Variants in SEC23A observed in about 807,000 individuals in gnomAD.
SEC23A encodes the protein protein transport protein Sec23A.
In SEC23A, 56 loss-of-function variants were observed where a neutral mutation model predicts 103.7. That is an observed-to-expected ratio of 0.54 (90% confidence interval 0.44 to 0.67). The LOEUF is 0.67. Among genes scored for constraint, SEC23A ranks in the 30% least tolerant of loss-of-function variants. SEC23A has a pLI of 0.00. For synonymous variants in SEC23A, 281 were observed against 293.0 expected, an observed-to-expected ratio of 0.96 and a Z score of 0.42; for missense variants, 784 against 936.4, an observed-to-expected ratio of 0.84 and a Z score of 2.12.
At chr14:39,055,044 A>G in intron 14 of SEC23A, 99 bp downstream of exon 14, 1 of 1,380,632 alleles carries the variant, frequency 7.2e-7, no homozygotes, top group Non-Finnish European at 1.0e-6. Flanking sequence ...ACAGTATTTC[A>G]GATACACTGT....
intron 7 of SEC23A, among the ~76,000 whole-genome samples, chr14:39,083,120 G>A (rs541402359): frequency 3.5e-4 from 54 of 152,214 alleles, no homozygotes; most frequent in Middle Eastern, 3.4e-3. Flanking sequence ...AAGTTTCAAG[G>A]GGTTGGGACT....
intron 1 of SEC23A, among the ~76,000 whole-genome samples, chr14:39,102,204 C>A (rs1454884635): frequency 6.6e-6 from 1 of 151,916 alleles, no homozygotes; most frequent in Non-Finnish European, 1.5e-5. Flanking sequence ...TGCACTCCAG[C>A]CTGGGCGACA....
Position 39,091,450 on chromosome 14 carries a change from G to A in SEC23A, c.603+27C>T, listed in dbSNP as rs781060178. The stretch of plus-strand genomic sequence containing the variant: ...CATATATAGAGTAATTTTCAGATAG[G>A]TAAAAACTACCATTCTTGTTGTTTA... On this transcript the variant is annotated intron_variant, in intron 5 of 19. Coordinates refer to ENST00000307712, the MANE Select transcript of SEC23A (RefSeq NM_006364.4). 6.4e-6 allele frequency: 10 copies of A among 1,553,142 alleles called. No individual in the cohort carries two copies. In the Admixed American group the frequency reaches 1.5e-4, roughly 23 times the overall value.
At chr14:39,051,294 T>C (rs1886050044) in intron 14 of SEC23A, among the ~76,000 whole-genome samples, 2 of 152,198 alleles carry the variant, frequency 1.3e-5, no homozygotes, top group Non-Finnish European at 2.9e-5. Flanking sequence ...TTTGGATACC[T>C]TTAACATGAC....
chr14:39,089,513 C>T (rs1465207763), intron 5 of SEC23A, among the ~76,000 whole-genome samples: 1 of 152,174 alleles, frequency 6.6e-6, no homozygotes, highest in African/African-American at 2.4e-5. Flanking sequence ...TCTTCCTAAA[C>T]CTGACTTTCC....
At chr14:39,046,692 C>A (rs1885850416) in intron 15 of SEC23A, among the ~76,000 whole-genome samples, 1 of 152,180 alleles carries the variant, frequency 6.6e-6, no homozygotes, top group African/African-American at 2.4e-5. Context: ...TTTTGTTTCA[C>A]TGCTTCTTTC....
rs1430975835 is a variant in SEC23A at position 39,096,134 on chromosome 14, T to G, written c.-16A>C. 2 of 1,565,732 alleles carry G rather than the reference T, an allele frequency of 1.3e-6. No homozygotes were observed. The highest frequency in any genetic ancestry group is 1.8e-6 in the Non-Finnish European group (2 of 1,136,052). Reference sequence around the variant, plus strand: ...AGGTTGTCATTGTGGAGTTTGATTCTTATTTCTGTATCAAAATTTTAAAAT... The same window carrying G: ...AGGTTGTCATTGTGGAGTTTGATTCGTATTTCTGTATCAAAATTTTAAAAT... On this transcript the variant is annotated 5_prime_UTR_variant, in exon 2 of 20. Transcript: ENST00000307712.
In SEC23A at chr14:39,096,014, A is replaced by G; in HGVS notation, c.105T>C (p.Val35=). 2 of 1,613,970 alleles carry G rather than the reference A, an allele frequency of 1.2e-6. No individual in the cohort carries two copies. The highest frequency in any genetic ancestry group is 1.7e-6 in the Non-Finnish European group (2 of 1,179,840). ...GTGTAAACAGGGCTGCCACAGGAAC[A>G]ACCATTCTTGTAGCTTCCAGTCGAC... ...PSSRLEATRM[V]VPVAALFTPL... The change falls in exon 2 of 20, where the codon GTT becomes GTC. Residue 35 remains valine (V), a synonymous_variant. Coordinates refer to ENST00000307712, the MANE Select transcript of SEC23A (RefSeq NM_006364.4).
chr14:39,055,861 C>A (rs1394468873), intron 13 of SEC23A, among the ~76,000 whole-genome samples: 1 of 152,224 alleles, frequency 6.6e-6, no homozygotes, highest in Non-Finnish European at 1.5e-5. Flanking sequence ...TTCCTGTTTT[C>A]TATAACTAGC....
rs1887713851 is a variant in SEC23A, at chr14:39,093,005, A to G, written c.279+182T>C. On this transcript the variant is annotated intron_variant, in intron 3 of 19. Coordinates refer to ENST00000307712, the MANE Select transcript of SEC23A (RefSeq NM_006364.4). ...CAGCCTCACGAGTAGCTGGGACTAC[A>G]GGCGCCTGCCACCACGCCCAGCTAA... is the stretch of plus-strand genomic sequence containing the variant. 3 of 511,040 alleles carry G rather than the reference A, an allele frequency of 5.9e-6. No homozygotes were observed. The Admixed American group carries it at 9.9e-5, about 17-fold the overall frequency. 31.7% of individuals were successfully genotyped at this position (511,040 alleles called of 1,614,324 possible). A position where few individuals can be genotyped will look rare whatever the true frequency, so the allele number is the denominator to read the frequency against.
rs754941711 is a variant in SEC23A, at chr14:39,074,425, T to C, written c.1093A>G (p.Asn365Asp). Residue 365 changes from asparagine to aspartate, a missense_variant, in exon 9 of 20, where the codon AAC becomes GAC. Coordinates refer to ENST00000307712, the MANE Select transcript of SEC23A (RefSeq NM_006364.4). ...AATTTAAATACATACCCAGTAAGGT[T>C]GGGACAGCATTTCATCTCCAGGAGA... ...TGLLEMKCCP[N>D]LTGGYMVMGD... is the part of the protein sequence containing the mutation. 6.2e-7 allele frequency: 1 copy of C among 1,603,308 alleles called. No homozygotes were observed. The highest frequency in any genetic ancestry group is 8.5e-7 in the Non-Finnish European group (1 of 1,170,452).
chr14:39,082,025 A>C (rs757840389), intron 7 of SEC23A, among the ~76,000 whole-genome samples: 1 of 152,118 alleles, frequency 6.6e-6, no homozygotes, highest in Non-Finnish European at 1.5e-5. Context: ...GAAAAGGATA[A>C]GATGAGCCCT....
chr14:39,065,606 C>A (rs1455378380), intron 10 of SEC23A, among the ~76,000 whole-genome samples: 4 of 152,182 alleles, frequency 2.6e-5, no homozygotes, highest in African/African-American at 9.7e-5. Context: ...TCTACTCTCA[C>A]TGGGCAGTTT....
intron 10 of SEC23A, 31 bp downstream of exon 10, chr14:39,067,141 AC>A: frequency 6.2e-7 from 1 of 1,613,022 alleles, no homozygotes; most frequent in Non-Finnish European, 8.5e-7. Flanking sequence ...TCTTTTGATA[AC>A]ATATCGCACA....
chr14:39,063,340 A>G lies in SEC23A; in HGVS notation c.1382T>C (p.Phe461Ser), dbSNP rs1359185958. ...LSPTTTLAIY[F>S]EVVNQHNAPI... Reference sequence around the variant, plus strand: ...AAGTCATACCTGATTGACAACCTCAAAATATATGGCTAAGGTTGTAGTGGG... The same window carrying G: ...AAGTCATACCTGATTGACAACCTCAGAATATATGGCTAAGGTTGTAGTGGG... The change falls in exon 12 of 20, where the codon TTT (phenylalanine) becomes TCT (serine). Residue 461 changes from phenylalanine (F) to serine (S), a missense_variant. Physicochemically the swap from Phe to Ser is radical, Grantham distance 155. Transcript: ENST00000307712. 1 of 1,608,582 alleles carries G rather than the reference A, an allele frequency of 6.2e-7. No individual in the cohort carries two copies. The highest frequency in any genetic ancestry group is 1.7e-5 in the Admixed American group (1 of 60,016).
intron 15 of SEC23A, among the ~76,000 whole-genome samples, chr14:39,046,538 A>G (rs995383616): frequency 1.3e-5 from 2 of 152,148 alleles, no homozygotes; most frequent in Non-Finnish European, 2.9e-5. Flanking sequence ...GGGTATGTCT[A>G]TTAGCAACAT....
At chr14:39,042,746 G>C (rs762889177) in intron 17 of SEC23A, 40 bp downstream of exon 17, 2 of 1,283,248 alleles carry the variant, frequency 1.6e-6, no homozygotes, top group Admixed American at 3.4e-5. Flanking sequence ...TAAGTAAAAA[G>C]ACTTTACATG....
chr14:39,056,002 G>A (rs1296730005), intron 13 of SEC23A, among the ~76,000 whole-genome samples: 3 of 152,232 alleles, frequency 2.0e-5, no homozygotes, highest in Non-Finnish European at 4.4e-5. Context: ...GCTCTCTTGA[G>A]CAAAGCTAGA....
chr14:39,073,965 G>A (rs1267478192), intron 9 of SEC23A, among the ~76,000 whole-genome samples: 1 of 152,120 alleles, frequency 6.6e-6, no homozygotes, highest in Non-Finnish European at 1.5e-5. Flanking sequence ...CTAAGGATGA[G>A]AGGGTGGTGA....
Sources: gnomAD v4.1 joint callset for allele counts (sites outside exome capture counted in the v4.1 genomes callset) on GRCh38, gnomAD v4.1.1 for gene constraint, MANE v1.5 for transcripts, NCBI Gene and HGNC (gene_info 2026-07-23, HGNC 2026-07-21) for gene names.